ZNF682: variants seen among roughly 807,000 people sequenced by gnomAD.
The protein encoded by ZNF682 is zinc finger protein 682.
In ZNF682, 29 loss-of-function variants were observed where a neutral mutation model predicts 36.5. The ratio of observed to expected loss-of-function variants is 0.80; its 90% CI spans 0.59 to 1.08. ZNF682 has a LOEUF of 1.08. Among genes scored for constraint, ZNF682 ranks in the 50% least tolerant of loss-of-function variants. The pLI is 0.00. For missense variants in ZNF682, 561 were observed against 579.7 expected (o/e 0.97, Z 0.33); for synonymous variants, 180 against 197.0 (o/e 0.91, Z 0.72).
intron 1 of ZNF682, among the ~76,000 whole-genome samples, chr19:20,034,574 T>C (rs2088510234): frequency 6.7e-6 from 1 of 149,096 alleles, no homozygotes; most frequent in Non-Finnish European, 1.5e-5. Flanking sequence ...AGGTTGGGAG[T>C]TCGAGACCAG....
intron 1 of ZNF682, among the ~76,000 whole-genome samples, chr19:20,027,156 A>T (rs2088438909): frequency 6.6e-6 from 1 of 152,162 alleles, no homozygotes; most frequent in Non-Finnish European, 1.5e-5. Flanking sequence ...TCACATCTGT[A>T]ACTTGAGCAT....
intron 1 of ZNF682, among the ~76,000 whole-genome samples, chr19:20,037,407 A>G (rs1192768715): frequency 6.6e-6 from 1 of 152,122 alleles, no homozygotes; most frequent in East Asian, 1.9e-4. Context: ...TGGTGAAAAA[A>G]CCAGGTTGCC....
chr19:20,002,483 C>G (rs775711773), downstream of ZNF682, among the ~76,000 whole-genome samples: 1 of 152,188 alleles, frequency 6.6e-6, no homozygotes, highest in Non-Finnish European at 1.5e-5. Context: ...ACTAAATACA[C>G]GTATATTAAG....
chr19:20,036,506 T>C (rs2088530118), intron 1 of ZNF682, among the ~76,000 whole-genome samples: 1 of 146,902 alleles, frequency 6.8e-6, no homozygotes, highest in Non-Finnish European at 1.5e-5. Flanking sequence ...CTCGGGAGGC[T>C]GAGGCAGGAG....
At chr19:19,998,071 C>T (rs1188668642) in intron 3 of ZNF682, among the ~76,000 whole-genome samples, 1 of 152,184 alleles carries the variant, frequency 6.6e-6, no homozygotes, top group Non-Finnish European at 1.5e-5. Flanking sequence ...GTGCCAGCTA[C>T]CCTGGTGGAC....
At chr19:20,013,287 T>C (rs924929248) in intron 3 of ZNF682, among the ~76,000 whole-genome samples, 3 of 151,930 alleles carry the variant, frequency 2.0e-5, no homozygotes, top group Admixed American at 6.6e-5. Context: ...ATATATGTTA[T>C]AGAAAACTAT....
chr19:20,011,122 A>C (rs1045723607), intron 3 of ZNF682, among the ~76,000 whole-genome samples: 1 of 152,146 alleles, frequency 6.6e-6, no homozygotes, highest in African/African-American at 2.4e-5. Flanking sequence ...AACATCTATC[A>C]CACAAATGGG....
chr19:20,024,450 T>C, intron 1 of ZNF682, 74 bp from the exon 2 acceptor site: 2 of 1,494,126 alleles, frequency 1.3e-6, no homozygotes, highest in Non-Finnish European at 9.0e-7. Flanking sequence ...AAAGAGAGAA[T>C]TGCTGTGACT....
intron 3 of ZNF682, among the ~76,000 whole-genome samples, chr19:20,020,112 T>C (rs1311222929): frequency 6.6e-6 from 1 of 152,010 alleles, no homozygotes; most frequent in African/African-American, 2.4e-5. Context: ...ATAACAAGTG[T>C]TGACAAGTTT....
At chr19:20,021,493 A>C (rs2088383517) in intron 3 of ZNF682, among the ~76,000 whole-genome samples, 1 of 151,828 alleles carries the variant, frequency 6.6e-6, no homozygotes, top group Non-Finnish European at 1.5e-5. Context: ...AAAAAGAAAG[A>C]AAACAAAAAA....
intron 3 of ZNF682, among the ~76,000 whole-genome samples, chr19:20,013,385 G>A (rs1279045615): frequency 6.6e-6 from 1 of 152,076 alleles, no homozygotes; most frequent in Non-Finnish European, 1.5e-5. Flanking sequence ...ATAATAGTAA[G>A]ATATTTCAAT....
intron 1 of ZNF682, among the ~76,000 whole-genome samples, chr19:20,030,232 T>G (rs2088468159): frequency 6.6e-6 from 1 of 152,194 alleles, no homozygotes; most frequent in African/African-American, 2.4e-5. Context: ...ACATGTATAT[T>G]AGAAGCTAAA....
intron 1 of ZNF682, chr19:20,033,925 T>C (rs1225574846): frequency 6.5e-6 from 1 of 155,022 alleles, no homozygotes; most frequent in African/African-American, 2.4e-5. Context: ...GAAGTCTGGA[T>C]GGAGTTGCTC....
At chr19:20,013,013 T>C (rs1304871218) in intron 3 of ZNF682, among the ~76,000 whole-genome samples, 1 of 151,922 alleles carries the variant, frequency 6.6e-6, no homozygotes, top group Admixed American at 6.6e-5. Flanking sequence ...AACTTCCCAA[T>C]CGAAAGACAT....
At chr19:20,028,624 C>T (rs925254082) in intron 1 of ZNF682, among the ~76,000 whole-genome samples, 1 of 152,172 alleles carries the variant, frequency 6.6e-6, no homozygotes, top group Admixed American at 6.5e-5. Flanking sequence ...CGCCACAGCA[C>T]ACAGTCCCTT....
chr19:20,018,149 A>G (rs961115025), intron 3 of ZNF682, among the ~76,000 whole-genome samples: 15 of 113,036 alleles, frequency 1.3e-4, no homozygotes, highest in African/African-American at 3.8e-4. Flanking sequence ...GCTGGAGTGC[A>G]GTGGCGGGAT....
At chr19:20,012,333 CTAAGT>C (rs1406174197) in intron 3 of ZNF682, among the ~76,000 whole-genome samples, 3 of 151,828 alleles carry the variant, frequency 2.0e-5, no homozygotes, top group Non-Finnish European at 2.9e-5. Context: ...AGATCACTAG[CTAAGT>C]TAACAAAGAA....
At chr19:20,020,156 T>G (rs1348330686) in intron 3 of ZNF682, among the ~76,000 whole-genome samples, 11 of 152,112 alleles carry the variant, frequency 7.2e-5, no homozygotes, top group African/African-American at 1.9e-4. Context: ...TGTTGGTGTG[T>G]TGTAAACTGG....
At chr19:20,007,350 C>A in intron 3 of ZNF682, 75 bp from the exon 4 acceptor site, 1 of 1,352,500 alleles carries the variant, frequency 7.4e-7, no homozygotes, top group African/African-American at 1.5e-5. Flanking sequence ...AAATCTAATA[C>A]AGAAAATTAA....
Sources: allele counts gnomAD v4.1 joint callset (sites outside exome capture counted in the v4.1 genomes callset), GRCh38; gene constraint gnomAD v4.1.1; transcripts MANE v1.5; gene names NCBI Gene and HGNC (gene_info 2026-07-23, HGNC 2026-07-21).